WWOX: variants seen among roughly 807,000 people sequenced by gnomAD.
WWOX encodes the protein WW domain containing oxidoreductase, also known as WW domain-containing oxidoreductase.
Under a neutral mutation model 46.2 loss-of-function variants are expected in WWOX, and 69 were observed. The ratio of observed to expected loss-of-function variants is 1.49; its 90% confidence interval spans 1.23 to 1.82. The LOEUF is 1.82. Among genes scored for constraint, WWOX ranks in the 40% most tolerant of loss-of-function variants. The probability of loss-of-function intolerance (pLI) is 0.00; values close to 1 mark genes in which losing one functional copy is unlikely to be tolerated. For synonymous variants in WWOX, 359 were observed against 202.6 expected, an observed-to-expected ratio of 1.77 and a Z score of -6.56; for missense variants, 919 against 542.6, an observed-to-expected ratio of 1.69 and a Z score of -6.89.
chr16:79,135,147 A>T (rs1398730284), intron 8 of WWOX, among the ~76,000 whole-genome samples: 1 of 152,100 alleles, frequency 6.6e-6, no homozygotes. Flanking sequence ...TTCTTCTTAT[A>T]CCTCCAAAAT....
At chr16:78,121,931 G>A (rs1159162578) in intron 4 of WWOX, among the ~76,000 whole-genome samples, 1 of 152,104 alleles carries the variant, frequency 6.6e-6, no homozygotes, top group Non-Finnish European at 1.5e-5. Context: ...CAAATGCTGG[G>A]ATTACAGGTG....
chr16:79,173,678 AC>A (rs2050745062), intron 8 of WWOX, among the ~76,000 whole-genome samples: 1 of 152,154 alleles, frequency 6.6e-6, no homozygotes, highest in South Asian at 2.1e-4. Flanking sequence ...CTTAGAATCA[AC>A]CTGAAGGTTC....
chr16:78,317,971 G>C (rs571134584), intron 5 of WWOX, among the ~76,000 whole-genome samples: 3 of 152,288 alleles, frequency 2.0e-5, no homozygotes, highest in South Asian at 4.1e-4. Context: ...CAAAGTGGTA[G>C]TGACTTTTTC....
intron 8 of WWOX, among the ~76,000 whole-genome samples, chr16:78,788,308 T>C (rs2050506680): frequency 6.6e-6 from 1 of 151,456 alleles, no homozygotes; most frequent in South Asian, 2.1e-4. Flanking sequence ...TGTTGCAGTC[T>C]ATTGTTACAA....
In WWOX at chr16:78,846,335, G is replaced by T. The variant is rs936718561; in HGVS notation, c.1057-365273G>T. Reference sequence around the variant, plus strand: ...CAACAGACTTTATTTGGATTTGACGGTGTGTCCTCTTCCTTCTTTTACAAC... The same window carrying T: ...CAACAGACTTTATTTGGATTTGACGTTGTGTCCTCTTCCTTCTTTTACAAC... On this transcript the variant is annotated intron_variant, in intron 8 of 8. Transcript: ENST00000566780. Among the ~76,000 whole-genome samples, 8 of 152,172 alleles carry T rather than the reference G, an allele frequency of 5.3e-5. No homozygotes were observed. In the South Asian group the frequency reaches 1.7e-3, roughly 32 times the overall value.
intron 8 of WWOX, among the ~76,000 whole-genome samples, chr16:79,157,176 T>A (rs769129909): frequency 1.3e-5 from 2 of 152,160 alleles, no homozygotes; most frequent in Non-Finnish European, 1.5e-5. Flanking sequence ...AGCAAGAAAT[T>A]GTGACTATGA....
At chr16:78,803,326 G>C (rs1214726689) in intron 8 of WWOX, among the ~76,000 whole-genome samples, 3 of 151,900 alleles carry the variant, frequency 2.0e-5, no homozygotes, top group Admixed American at 2.0e-4. Flanking sequence ...TGGCCAGAAA[G>C]TCTATAGTCA....
intron 8 of WWOX, among the ~76,000 whole-genome samples, chr16:78,785,646 T>C (rs996286142): frequency 1.2e-4 from 19 of 152,232 alleles, no homozygotes; most frequent in Non-Finnish European, 2.5e-4. Flanking sequence ...GCTGCGCTAT[T>C]ATATCCATTA....
In WWOX at chr16:78,386,911, G is replaced by T. The variant is rs769400934; in HGVS notation, c.568G>T (p.Val190Leu). Residue 190 changes from valine (V) to leucine (L), a missense_variant, in exon 6 of 9, where the codon GTG becomes TTG. Coordinates refer to ENST00000566780, the MANE Select transcript of WWOX (RefSeq NM_016373.4). Reference sequence around the variant, plus strand: ...CCTGGACCTCGCTCTGCTCCGTAGCGTGCAGCATTTTGCTGAAGCATTCAA... The same window carrying T: ...CCTGGACCTCGCTCTGCTCCGTAGCTTGCAGCATTTTGCTGAAGCATTCAA... ...MTLDLALLRS[V>L]QHFAEAFKAK... The T allele has an allele frequency of 1.2e-6, 2 of 1,614,104 alleles. No individual in the cohort carries two copies. The highest frequency in any genetic ancestry group is 2.2e-5 in the East Asian group (1 of 44,888).
intron 8 of WWOX, among the ~76,000 whole-genome samples, chr16:78,676,745 C>G (rs2047609052): frequency 6.6e-6 from 1 of 152,176 alleles, no homozygotes; most frequent in Non-Finnish European, 1.5e-5. Context: ...CTCGTTTCAG[C>G]TAAGTCTTCT....
intron 8 of WWOX, among the ~76,000 whole-genome samples, chr16:78,621,084 C>T (rs1178667815): frequency 2.0e-5 from 3 of 152,144 alleles, no homozygotes; most frequent in African/African-American, 7.2e-5. Context: ...TCTCCTGCTG[C>T]CACCTTGGTC....
At chr16:78,321,374 ATATATGCGTATATATATACG>A (rs1165156643) in intron 5 of WWOX, among the ~76,000 whole-genome samples, 3,818 of 106,556 alleles carry the variant, frequency 0.036, 521 homozygotes, top group African/African-American at 0.14. Flanking sequence ...ATATATACGT[ATATATGCGTATATATATACG>A]TATATATACG....
intron 8 of WWOX, among the ~76,000 whole-genome samples, chr16:78,453,173 T>A (rs564054466): frequency 1.3e-5 from 2 of 152,236 alleles, no homozygotes; most frequent in Non-Finnish European, 1.5e-5. Flanking sequence ...TCTGTAATCC[T>A]AGCACTTTGG....
At chr16:78,962,635 A>G (rs1345963459) in intron 8 of WWOX, among the ~76,000 whole-genome samples, 1 of 152,188 alleles carries the variant, frequency 6.6e-6, no homozygotes, top group Non-Finnish European at 1.5e-5. Flanking sequence ...AGCTGCTTGC[A>G]TCAGAATCTA....
chr16:78,336,939 C>A (rs138682844), intron 5 of WWOX, among the ~76,000 whole-genome samples: 1 of 151,920 alleles, frequency 6.6e-6, no homozygotes, highest in Admixed American at 6.6e-5. Context: ...CCACCATGCC[C>A]GGCTAATTTT....
At chr16:78,449,675 A>G (rs554287166) in intron 8 of WWOX, among the ~76,000 whole-genome samples, 1 of 152,294 alleles carries the variant, frequency 6.6e-6, no homozygotes, top group African/African-American at 2.4e-5. Context: ...ACATATATGC[A>G]TTTCTGCTTT....
At chr16:78,865,043 G>A (rs34865078) in intron 8 of WWOX, among the ~76,000 whole-genome samples, 42,990 of 151,820 alleles carry the variant, frequency 0.28, 6,487 homozygotes, top group Middle Eastern at 0.47. Context: ...GATTACAGGC[G>A]TGAGCCACCG....
intron 5 of WWOX, among the ~76,000 whole-genome samples, chr16:78,240,479 T>C (rs768456502): frequency 1.3e-5 from 2 of 152,154 alleles, no homozygotes; most frequent in African/African-American, 2.4e-5. Context: ...CTGGCACGGT[T>C]TCCACAAGGA....
intron 5 of WWOX, among the ~76,000 whole-genome samples, chr16:78,358,149 T>G (rs984475726): frequency 1.3e-5 from 2 of 152,190 alleles, no homozygotes; most frequent in African/African-American, 4.8e-5. Flanking sequence ...GAAATCTAAT[T>G]GTCAAGTATC....
Sources: gnomAD v4.1 joint callset for allele counts (sites outside exome capture counted in the v4.1 genomes callset) on GRCh38, gnomAD v4.1.1 for gene constraint, MANE v1.5 for transcripts, NCBI Gene and HGNC (gene_info 2026-07-23, HGNC 2026-07-21) for gene names.